The following SGCZ variants were observed in gnomAD, a reference collection of about 807,000 sequenced individuals.
SGCZ encodes the protein zeta-sarcoglycan.
A neutral mutation model predicts 41.3 loss-of-function variants in SGCZ; 40 were observed. The observed-to-expected ratio is 0.97, with a 90% confidence interval of 0.75 to 1.26. The LOEUF is 1.26. Ranked by LOEUF, SGCZ falls within the 50% of genes most tolerant of loss-of-function variation. The pLI, the probability that SGCZ is intolerant of heterozygous loss-of-function variation, is 0.00. For missense variants in SGCZ, 552 were observed against 369.8 expected (o/e 1.49, Z -4.04); for synonymous variants, 206 against 137.5 (o/e 1.50, Z -3.49).
At chr8:15,071,040 A>T (rs969101802) in intron 1 of SGCZ, among the ~76,000 whole-genome samples, 1 of 152,182 alleles carries the variant, frequency 6.6e-6, no homozygotes, top group African/African-American at 2.4e-5. Context: ...CCTAAGAAGA[A>T]ATCTGACTTC....
intron 2 of SGCZ, among the ~76,000 whole-genome samples, chr8:14,449,887 A>T (rs761412818): frequency 3.3e-5 from 5 of 152,194 alleles, no homozygotes. Flanking sequence ...CTTCTTCACC[A>T]TCGTAAACAA....
At chr8:14,614,827 T>C (rs1806042869) in intron 1 of SGCZ, among the ~76,000 whole-genome samples, 1 of 152,090 alleles carries the variant, frequency 6.6e-6, no homozygotes, top group Admixed American at 6.6e-5. Context: ...AAATGAATAA[T>C]AAAATATTTG....
intron 2 of SGCZ, among the ~76,000 whole-genome samples, chr8:14,450,563 A>G: frequency 6.6e-6 from 1 of 152,218 alleles, no homozygotes; most frequent in East Asian, 1.9e-4. Flanking sequence ...AGTTAAATGT[A>G]TCATCTGGAA....
intron 1 of SGCZ, among the ~76,000 whole-genome samples, chr8:14,620,629 G>C (rs1190124354): frequency 6.6e-6 from 1 of 152,102 alleles, no homozygotes; most frequent in Non-Finnish European, 1.5e-5. Context: ...GTGGGCAAAG[G>C]ATACGAACAG....
At chr8:15,175,078 A>G (rs1799957039) in intron 1 of SGCZ, among the ~76,000 whole-genome samples, 1 of 152,206 alleles carries the variant, frequency 6.6e-6, no homozygotes, top group African/African-American at 2.4e-5. Context: ...ACAAACCTGC[A>G]CATTCTGCAC....
chr8:15,191,793 A>G (rs1034180985), intron 1 of SGCZ, among the ~76,000 whole-genome samples: 1 of 152,114 alleles, frequency 6.6e-6, no homozygotes, highest in Non-Finnish European at 1.5e-5. Context: ...GTCTTTGTTT[A>G]AACTTCAACT....
intron 1 of SGCZ, among the ~76,000 whole-genome samples, chr8:14,583,531 T>C (rs1804963254): frequency 6.6e-6 from 1 of 152,104 alleles, no homozygotes; most frequent in Non-Finnish European, 1.5e-5. Context: ...TTGTCAATTT[T>C]GGCTTTTGTT....
intron 5 of SGCZ, among the ~76,000 whole-genome samples, chr8:14,155,385 C>T (rs1803846914): frequency 6.6e-6 from 1 of 152,092 alleles, no homozygotes; most frequent in Admixed American, 6.5e-5. Flanking sequence ...CACTAGTTGA[C>T]TAAGACTGTG....
chr8:14,689,910 T>C (rs947802393), intron 1 of SGCZ, among the ~76,000 whole-genome samples: 8 of 152,320 alleles, frequency 5.3e-5, no homozygotes, highest in African/African-American at 1.9e-4. Flanking sequence ...CAATGTCACT[T>C]ACTGCCTACG....
In SGCZ at chr8:14,581,211, C is replaced by T. The variant is rs556929853; in HGVS notation, c.40-26285G>A. ...GCAACCTCTGTCTCCCAGGTTCAAG[C>T]GATTCTCCTGCCTCAGCCATGTGAC... On this transcript the variant is annotated intron_variant, in intron 1 of 7. Transcript: ENST00000382080. Among the ~76,000 whole-genome samples the T allele has an allele frequency of 4.6e-5, 7 of 152,124 alleles. No homozygotes were observed. The East Asian group carries it at 7.8e-4, about 17-fold the overall frequency.
chr8:14,394,321 T>C (rs1585446909), intron 2 of SGCZ, among the ~76,000 whole-genome samples: 2 of 152,062 alleles, frequency 1.3e-5, no homozygotes, highest in African/African-American at 4.8e-5. Context: ...CAGCTAATTT[T>C]TGTGTTTCTA....
chr8:14,457,804 T>C (rs1337385403), intron 2 of SGCZ, among the ~76,000 whole-genome samples: 2 of 152,134 alleles, frequency 1.3e-5, no homozygotes, highest in Non-Finnish European at 1.5e-5. Flanking sequence ...GTGACTCACA[T>C]TTTTTACCCT....
intron 1 of SGCZ, among the ~76,000 whole-genome samples, chr8:15,114,097 G>A (rs867560057): frequency 6.6e-6 from 1 of 152,090 alleles, no homozygotes; most frequent in Admixed American, 6.6e-5. Flanking sequence ...CATTTAATTT[G>A]CTTAATTCTA....
intron 1 of SGCZ, among the ~76,000 whole-genome samples, chr8:14,964,094 TA>T (rs1190158252): frequency 2.0e-5 from 3 of 152,210 alleles, no homozygotes; most frequent in Admixed American, 6.5e-5. Context: ...GACTAAGTCA[TA>T]CACATCTGTA....
intron 2 of SGCZ, among the ~76,000 whole-genome samples, chr8:14,486,835 TTTTAAAGTTAA>T (rs1212646740): frequency 1.3e-5 from 2 of 152,186 alleles, no homozygotes; most frequent in African/African-American, 4.8e-5. Flanking sequence ...AATGATTACG[TTTTAAAGTTAA>T]TTATTAAGGT....
At chr8:14,297,094 T>C (rs1371352945) in intron 3 of SGCZ, among the ~76,000 whole-genome samples, 4 of 152,090 alleles carry the variant, frequency 2.6e-5, no homozygotes, top group Non-Finnish European at 5.9e-5. Context: ...GCTAATTTTT[T>C]GTATTTTTGG....
chr8:14,483,159 C>G (rs1355501789), intron 2 of SGCZ, among the ~76,000 whole-genome samples: 1 of 152,138 alleles, frequency 6.6e-6, no homozygotes, highest in Non-Finnish European at 1.5e-5. Context: ...CCCTCAATAG[C>G]CTGACTTTGT....
Position 14,964,032 on chromosome 8 carries a change from G to T in SGCZ, c.39+273553C>A, listed in dbSNP as rs543995859. On this transcript the variant is annotated intron_variant, in intron 1 of 7. Transcript: ENST00000382080. ...CCTTCTCCTTTAAATCCTATGCAAA[G>T]GTTACAAGGCTAAAAATAAATTGAT... Among the ~76,000 whole-genome samples the T allele has an allele frequency of 5.3e-5, 8 of 152,188 alleles. No homozygotes were observed. In the South Asian group the frequency reaches 1.2e-3, roughly 24 times the overall value.
At chr8:15,050,271 TATA>T (rs1238435193) in intron 1 of SGCZ, among the ~76,000 whole-genome samples, 1 of 152,190 alleles carries the variant, frequency 6.6e-6, no homozygotes, top group Non-Finnish European at 1.5e-5. Flanking sequence ...TTGAGATTTT[TATA>T]ACCCAACTGT....
Sources: allele counts gnomAD v4.1 joint callset (sites outside exome capture counted in the v4.1 genomes callset), GRCh38; gene constraint gnomAD v4.1.1; transcripts MANE v1.5; gene names NCBI Gene and HGNC (gene_info 2026-07-23, HGNC 2026-07-21).